Variants in TSNAX observed in about 807,000 individuals in gnomAD.
The protein encoded by TSNAX is translin-associated protein X.
In TSNAX, 12 loss-of-function variants were observed where a neutral mutation model predicts 33.0. The observed-to-expected ratio is 0.36, with a 90% CI of 0.23 to 0.59. The LOEUF is 0.59. Among genes scored for constraint, TSNAX ranks in the 20% least tolerant of loss-of-function variants. The pLI is 0.74. For synonymous variants in TSNAX, 110 were observed against 117.2 expected, an observed-to-expected ratio of 0.94 and a Z score of 0.40; for missense variants, 267 against 341.3, an observed-to-expected ratio of 0.78 and a Z score of 1.72.
At chr1:231,538,525 G>A (rs1162327691) in intron 3 of TSNAX, among the ~76,000 whole-genome samples, 1 of 152,180 alleles carries the variant, frequency 6.6e-6, no homozygotes, top group Non-Finnish European at 1.5e-5. Context: ...ACGAGAGGTA[G>A]AATAGTATCT....
At chr1:231,533,886 T>C (rs753920696) in intron 2 of TSNAX, among the ~76,000 whole-genome samples, 9 of 152,248 alleles carry the variant, frequency 5.9e-5, no homozygotes, top group Non-Finnish European at 1.0e-4. Context: ...AACTCTAGTA[T>C]TGTTAACTAA....
chr1:231,556,848 A>G (rs1660729092), intron 4 of TSNAX, among the ~76,000 whole-genome samples: 1 of 152,244 alleles, frequency 6.6e-6, no homozygotes, highest in Non-Finnish European at 1.5e-5. Flanking sequence ...TGACTTAACT[A>G]TAGCATGAAT....
intron 5 of TSNAX, among the ~76,000 whole-genome samples, chr1:231,562,973 T>C (rs1350854194): frequency 6.6e-6 from 1 of 152,178 alleles, no homozygotes; most frequent in Admixed American, 6.5e-5. Flanking sequence ...CGGACCTCAT[T>C]TCTCATGCTA....
intron 4 of TSNAX, among the ~76,000 whole-genome samples, chr1:231,550,521 C>T (rs1213339732): frequency 1.3e-5 from 2 of 152,140 alleles, no homozygotes; most frequent in African/African-American, 4.8e-5. Flanking sequence ...GGAAGCATTG[C>T]TTTATTTGAG....
At chr1:231,542,844 A>G (rs1659665822) in intron 4 of TSNAX, 1 of 373,678 alleles carries the variant, frequency 2.7e-6, no homozygotes, top group Non-Finnish European at 4.9e-6. Context: ...GAGAACACAG[A>G]TTTAATAGGA....
rs1237925018 is a variant in TSNAX at position 231,529,274 on chromosome 1, A to G, written c.36A>G (p.Lys12=). The G allele has an allele frequency of 6.2e-7, 1 of 1,614,156 alleles. No homozygotes were observed. The highest frequency in any genetic ancestry group is 8.5e-7 in the Non-Finnish European group (1 of 1,180,022). The change falls in exon 2 of 6, where the codon AAA becomes AAG. Residue 12 remains lysine, a synonymous_variant. Transcript: ENST00000366639. The stretch of plus-strand genomic sequence containing the variant: ...TATAAGGATCAGGAGGGTTCAGGAA[A>G]AGGAAGCATGACAATTTCCCACATA... ...SNKEGSGGFR[K]RKHDNFPHNQ... is the part of the protein sequence containing the mutation.
intron 4 of TSNAX, among the ~76,000 whole-genome samples, chr1:231,555,625 T>TA (rs935593518): frequency 1.8e-4 from 28 of 152,306 alleles, no homozygotes; most frequent in South Asian, 1.4e-3. Context: ...TGCTAATTTT[T>TA]AAAAAAATCA....
At chr1:231,551,348 A>G (rs1223954435) in intron 4 of TSNAX, among the ~76,000 whole-genome samples, 1 of 152,220 alleles carries the variant, frequency 6.6e-6, no homozygotes, top group Non-Finnish European at 1.5e-5. Context: ...CAACTTTGCC[A>G]TCAGACCTGG....
chr1:231,528,986 T>TA (rs1164703501), intron 1 of TSNAX, among the ~76,000 whole-genome samples, 160 bp downstream of exon 1: 1 of 152,256 alleles, frequency 6.6e-6, no homozygotes, highest in African/African-American at 2.4e-5. Context: ...CGGCCCTGTT[T>TA]ACACCTCCTT....
chr1:231,533,402 G>A (rs557559136), intron 2 of TSNAX, among the ~76,000 whole-genome samples: 51 of 152,214 alleles, frequency 3.4e-4, no homozygotes, highest in African/African-American at 1.1e-3. Flanking sequence ...CGCCCGGCCC[G>A]GAAAGTCTTT....
In TSNAX at chr1:231,541,271, A is replaced by G. The variant is rs905540430; in HGVS notation, c.237-1210A>G. On this transcript the variant is annotated intron_variant, in intron 3 of 5. Coordinates refer to ENST00000366639, the MANE Select transcript of TSNAX (RefSeq NM_005999.3). ...CATAATATATATCTTATTGTCAACT[A>G]TTCTCACTTTGTACAATACTGTGTT... 3.3e-5 allele frequency among the ~76,000 whole-genome samples: 5 copies of G among 152,296 alleles called. No individual in the cohort carries two copies. The South Asian group carries it at 8.3e-4, about 25-fold the overall frequency.
chr1:231,537,320 A>G lies in TSNAX; in HGVS notation c.229A>G (p.Ile77Val), dbSNP rs779867950. The G allele has an allele frequency of 1.3e-5, 21 of 1,598,700 alleles. No homozygotes were observed. The South Asian group carries it at 2.1e-4, about 16-fold the overall frequency. ...SKRTIFLLHR[I>V]TSAPDMEDIL... ...AAGGACAATTTTTCTCCTCCATAGGATTACAAGGTGAGTAAGCATCTTTAG... is the reference window on the plus strand; with the variant it reads ...AAGGACAATTTTTCTCCTCCATAGGGTTACAAGGTGAGTAAGCATCTTTAG... The change falls in exon 3 of 6, where the codon ATT becomes GTT. Residue 77 changes from isoleucine to valine, a missense_variant. Physicochemically the swap from Ile to Val is conservative, Grantham distance 29. Around this residue, in one of 2 missense-constraint regions of TSNAX, gnomAD observed 200 missense variants for 214.1 expected, o/e 0.93. Transcript: ENST00000366639.
intron 3 of TSNAX, among the ~76,000 whole-genome samples, chr1:231,537,530 C>T (rs933806093): frequency 1.3e-5 from 2 of 152,048 alleles, no homozygotes; most frequent in Non-Finnish European, 2.9e-5. Flanking sequence ...CACTTGAGCT[C>T]AGGAGGTCGA....
chr1:231,565,068 A>G lies in TSNAX; in HGVS notation c.*163A>G, dbSNP rs1204105913. Reference sequence around the variant, plus strand: ...ACAAGCTGTACATAAAATTAGCCAAATGAATCATTTCTTATATCTTATTCA... The same window carrying G: ...ACAAGCTGTACATAAAATTAGCCAAGTGAATCATTTCTTATATCTTATTCA... On this transcript the variant is annotated 3_prime_UTR_variant, in exon 6 of 6. Transcript: ENST00000366639. The G allele has an allele frequency of 4.6e-6, 4 of 863,406 alleles. No individual in the cohort carries two copies. Among genetic ancestry groups the G allele is most frequent in the African/African-American group, 3.4e-5 (2 of 58,580 alleles). 53.5% of individuals were successfully genotyped at this position (863,406 alleles called of 1,614,324 possible). A position where few individuals can be genotyped will look rare whatever the true frequency, so the allele number is the denominator to read the frequency against.
At chr1:231,540,935 TTTGA>T (rs1224839732) in intron 3 of TSNAX, among the ~76,000 whole-genome samples, 1 of 152,248 alleles carries the variant, frequency 6.6e-6, no homozygotes, top group African/African-American at 2.4e-5. Context: ...TCCTGTTTCG[TTTGA>T]TTGTTATTAG....
intron 3 of TSNAX, among the ~76,000 whole-genome samples, chr1:231,540,765 C>T (rs1659526181): frequency 6.6e-6 from 1 of 152,158 alleles, no homozygotes; most frequent in Non-Finnish European, 1.5e-5. Context: ...TTGACTTTCT[C>T]CTTGAAGTCC....
chr1:231,563,157 A>G (rs1661219403), intron 5 of TSNAX, among the ~76,000 whole-genome samples: 1 of 152,188 alleles, frequency 6.6e-6, no homozygotes, highest in Non-Finnish European at 1.5e-5. Flanking sequence ...TAGTTCCTCA[A>G]ATGCACAATT....
At chr1:231,562,601 A>G (rs1661187454) in intron 5 of TSNAX, among the ~76,000 whole-genome samples, 1 of 152,146 alleles carries the variant, frequency 6.6e-6, no homozygotes, top group African/African-American at 2.4e-5. Context: ...TCAAAATGAA[A>G]ATATTGGGGA....
rs1659636969 is a variant in TSNAX at position 231,542,389 on chromosome 1, A to G, written c.237-92A>G. 3.0e-6 allele frequency: 4 copies of G among 1,354,018 alleles called. No individual in the cohort carries two copies. In the East Asian group the frequency reaches 9.4e-5, roughly 32 times the overall value. 83.9% of individuals were successfully genotyped at this position (1,354,018 alleles called of 1,614,324 possible). On this transcript the variant is annotated intron_variant, in intron 3 of 5. Coordinates refer to ENST00000366639, the MANE Select transcript of TSNAX (RefSeq NM_005999.3). ...GAGTTAGAAGTATATGAATGCATAC[A>G]ATATTTAGCCCTATGTTGATAATTA...
Sources: allele counts gnomAD v4.1 joint callset (sites outside exome capture counted in the v4.1 genomes callset), GRCh38; gene constraint gnomAD v4.1.1; regional missense constraint gnomAD v4.1.1; transcripts MANE v1.5; gene names NCBI Gene and HGNC (gene_info 2026-07-23, HGNC 2026-07-21).